Variants in FTO observed in about 807,000 individuals in gnomAD.
FTO encodes FTO alpha-ketoglutarate dependent dioxygenase.
In FTO, 47 loss-of-function variants were observed where a neutral mutation model predicts 63.9. The ratio of observed to expected loss-of-function variants is 0.74; its 90% CI spans 0.58 to 0.94. The LOEUF (loss-of-function observed/expected upper bound fraction) is 0.94, where lower values mean the gene tolerates loss of function less well. Ranked by LOEUF, FTO falls within the 40% of genes least tolerant of loss-of-function variation. The probability of loss-of-function intolerance (pLI) is 0.00; values close to 1 mark genes in which losing one functional copy is unlikely to be tolerated. For synonymous variants in FTO, 207 were observed against 224.4 expected (o/e 0.92, Z 0.69); for missense variants, 562 against 618.1 (o/e 0.91, Z 0.96).
chr16:53,847,764 A>G (rs1358917576), intron 4 of FTO, among the ~76,000 whole-genome samples: 8 of 151,194 alleles, frequency 5.3e-5, no homozygotes, highest in African/African-American at 1.7e-4. Context: ...GGGAAATTCC[A>G]TCTCAAAAAA....
At chr16:54,105,771 CTGTGTGTGTGTG>C (rs57782663) in intron 8 of FTO, among the ~76,000 whole-genome samples, 2,705 of 138,072 alleles carry the variant, frequency 0.02, 80 homozygotes, top group African/African-American at 0.065. Context: ...AAGTTCTAGT[CTGTGTGTGTGTG>C]TGTGTGTGTG....
intron 8 of FTO, among the ~76,000 whole-genome samples, chr16:53,972,230 G>A (rs151180283): frequency 1.6e-3 from 249 of 151,962 alleles, no homozygotes; most frequent in Middle Eastern, 3.4e-3. Flanking sequence ...TATTATCCTC[G>A]TTTAGGTGAG....
At chr16:53,739,406 G>A (rs1336322159) in intron 1 of FTO, among the ~76,000 whole-genome samples, 1 of 150,744 alleles carries the variant, frequency 6.6e-6, no homozygotes, top group Non-Finnish European at 1.5e-5. Context: ...AGTAGAGATG[G>A]GGTTTTACCG....
intron 7 of FTO, among the ~76,000 whole-genome samples, chr16:53,909,730 A>G (rs541662805): frequency 6.7e-4 from 101 of 151,428 alleles, no homozygotes; most frequent in African/African-American, 2.3e-3. Context: ...CGCTCGGCTA[A>G]TTTTTGTATT....
In FTO at chr16:54,118,353, C is replaced by CTTTTTTTTTTTTTTTTTTTTT. The variant is rs1315938354; in HGVS notation, c.*6450_*6451insTTTTTTTTTTTTTTTTTTTTT. 1 of 136,916 alleles carries CTTTTTTTTTTTTTTTTTTTTT rather than the reference C, an allele frequency of 7.3e-6. No homozygotes were observed. Among genetic ancestry groups the CTTTTTTTTTTTTTTTTTTTTT allele is most frequent in the Non-Finnish European group, 1.6e-5 (1 of 64,096 alleles). The allele number at this position is 136,916 out of a possible 1,614,324, so 8.5% of individuals were successfully genotyped here. On this transcript the variant is annotated 3_prime_UTR_variant, in exon 9 of 9. Coordinates refer to ENST00000471389, the MANE Select transcript of FTO (RefSeq NM_001080432.3). The stretch of plus-strand genomic sequence containing the variant: ...ATGGCATGAAGCTCTTTCACACAGT[C>CTTTTTTTTTTTTTTTTTTTTT]TTTTTTTTTTTTCTTTTTTTTTTTC...
chr16:54,100,617 T>C (rs1354087258), intron 8 of FTO, among the ~76,000 whole-genome samples: 6 of 152,190 alleles, frequency 3.9e-5, no homozygotes, highest in African/African-American at 1.4e-4. Flanking sequence ...CTTCCCAAAG[T>C]GCTGGGATAA....
intron 1 of FTO, among the ~76,000 whole-genome samples, chr16:53,788,459 C>T (rs915388055): frequency 4.6e-5 from 7 of 151,786 alleles, no homozygotes; most frequent in South Asian, 2.1e-4. Context: ...AAAAATTAGC[C>T]GGACATGGTG....
chr16:53,839,854 G>A (rs1242801708), intron 3 of FTO, among the ~76,000 whole-genome samples: 1 of 150,834 alleles, frequency 6.6e-6, no homozygotes, highest in Admixed American at 6.6e-5. Flanking sequence ...CACCAGGCTG[G>A]AGTGCAGTGG....
chr16:53,805,986 G>C (rs908983907), intron 1 of FTO, among the ~76,000 whole-genome samples: 7 of 152,182 alleles, frequency 4.6e-5, no homozygotes, highest in African/African-American at 1.7e-4. Context: ...CAGCTGTGTG[G>C]ATTTATCTGT....
chr16:53,718,681 A>T (rs2075954389), intron 1 of FTO, among the ~76,000 whole-genome samples: 1 of 152,002 alleles, frequency 6.6e-6, no homozygotes, highest in Non-Finnish European at 1.5e-5. Flanking sequence ...CTGAGGTTGA[A>T]TTTTATTGAA....
At chr16:53,763,335 G>C (rs1324730211) in intron 1 of FTO, among the ~76,000 whole-genome samples, 1 of 152,116 alleles carries the variant, frequency 6.6e-6, no homozygotes, top group African/African-American at 2.4e-5. Flanking sequence ...GATAAATAAA[G>C]GTTGACAATG....
chr16:53,811,766 C>A (rs770482825), intron 2 of FTO, among the ~76,000 whole-genome samples: 4 of 152,100 alleles, frequency 2.6e-5, no homozygotes, highest in African/African-American at 9.7e-5. Context: ...TTGGGGCCTT[C>A]TTGCTACGTC....
chr16:54,037,065 G>A (rs1419481880), intron 8 of FTO, among the ~76,000 whole-genome samples: 1 of 152,116 alleles, frequency 6.6e-6, no homozygotes, highest in Admixed American at 6.5e-5. Flanking sequence ...GTTACCAATG[G>A]GTTTTGAGTT....
intron 4 of FTO, among the ~76,000 whole-genome samples, chr16:53,846,567 G>A (rs1415629917): frequency 7.9e-5 from 12 of 152,032 alleles, no homozygotes; most frequent in African/African-American, 2.7e-4. Flanking sequence ...TTGGGAGGCC[G>A]AGGCAGGTGG....
intron 4 of FTO, among the ~76,000 whole-genome samples, chr16:53,862,340 G>GTGAT (rs2151856456): frequency 6.6e-6 from 1 of 152,218 alleles, no homozygotes; most frequent in South Asian, 2.1e-4. Context: ...GATGTCTGAG[G>GTGAT]TGATCTACAT....
At chr16:53,834,804 T>C (rs1010026363) in intron 3 of FTO, among the ~76,000 whole-genome samples, 1 of 152,184 alleles carries the variant, frequency 6.6e-6, no homozygotes, top group Non-Finnish European at 1.5e-5. Context: ...GTTGATAACA[T>C]ACTTACATTG....
chr16:53,945,122 G>A (rs1445798486), intron 8 of FTO, among the ~76,000 whole-genome samples: 3 of 152,166 alleles, frequency 2.0e-5, no homozygotes, highest in Admixed American at 6.5e-5. Context: ...ACTTGATCTC[G>A]ATCGCCCCAA....
At chr16:53,732,106 T>A (rs1351613753) in intron 1 of FTO, among the ~76,000 whole-genome samples, 2 of 139,808 alleles carry the variant, frequency 1.4e-5, no homozygotes, top group East Asian at 4.6e-4. Flanking sequence ...TGGAGTGCAG[T>A]GGTGCGATCC....
chr16:53,751,239 C>T (rs570124938), intron 1 of FTO, among the ~76,000 whole-genome samples: 1 of 152,012 alleles, frequency 6.6e-6, no homozygotes, highest in African/African-American at 2.4e-5. Flanking sequence ...GAGACCCTCT[C>T]TCTATTAAAA....
Sources: allele counts gnomAD v4.1 joint callset (sites outside exome capture counted in the v4.1 genomes callset), GRCh38; gene constraint gnomAD v4.1.1; transcripts MANE v1.5; gene names NCBI Gene and HGNC (gene_info 2026-07-23, HGNC 2026-07-21).